The following TTC27 variants were observed in gnomAD, a reference collection of about 807,000 sequenced individuals.
TTC27 encodes tetratricopeptide repeat protein 27.
TTC27 carries 79 observed loss-of-function variants against 115.9 expected under a neutral mutation model. The observed-to-expected ratio is 0.68, with a 90% CI of 0.57 to 0.82. TTC27 has a LOEUF of 0.82. TTC27 is among the 40% of genes least tolerant of loss of function. The pLI is 0.00. For missense variants in TTC27, 1,054 were observed against 993.1 expected (o/e 1.06, Z -0.82); for synonymous variants, 401 against 356.0 (o/e 1.13, Z -1.42).
chr2:32,632,216 G>A (rs1426068179), intron 2 of TTC27, among the ~76,000 whole-genome samples: 2 of 132,812 alleles, frequency 1.5e-5, no homozygotes, highest in African/African-American at 5.8e-5. Context: ...TTGATATGTT[G>A]CTCAGGCTGG....
intron 1 of TTC27, among the ~76,000 whole-genome samples, chr2:32,630,322 G>C (rs536454275): frequency 2.6e-5 from 4 of 152,312 alleles, no homozygotes; most frequent in Admixed American, 2.6e-4. Flanking sequence ...GTCAGTATGA[G>C]TGAGCTGCTA....
At chr2:32,639,015 A>G (rs980621255) in intron 3 of TTC27, among the ~76,000 whole-genome samples, 27 of 151,948 alleles carry the variant, frequency 1.8e-4, no homozygotes, top group Middle Eastern at 3.4e-3. Context: ...TGTAGTTTTA[A>G]TAGAGACAGG....
chr2:32,664,198 C>G, intron 5 of TTC27, 105 bp from the exon 6 acceptor site: 1 of 976,554 alleles, frequency 1.0e-6, no homozygotes, highest in Non-Finnish European at 1.4e-6. Flanking sequence ...TATTTAACAA[C>G]AGAGACTATG....
intron 10 of TTC27, among the ~76,000 whole-genome samples, chr2:32,730,943 A>T (rs1668272887): frequency 6.6e-6 from 1 of 152,004 alleles, no homozygotes. Flanking sequence ...TTTGTATATT[A>T]ATTTAATGTT....
chr2:32,790,307 T>G (rs1037601227), intron 16 of TTC27, among the ~76,000 whole-genome samples: 1 of 152,144 alleles, frequency 6.6e-6, no homozygotes, highest in Non-Finnish European at 1.5e-5. Flanking sequence ...TCATGCTTAT[T>G]TTAATACAGA....
intron 16 of TTC27, among the ~76,000 whole-genome samples, chr2:32,793,632 C>T (rs560928237): frequency 2.0e-5 from 3 of 152,258 alleles, no homozygotes; most frequent in African/African-American, 7.2e-5. Context: ...AAGTGATTCT[C>T]CTGCCTCAGC....
chr2:32,634,681 G>A (rs185747963), intron 3 of TTC27, among the ~76,000 whole-genome samples: 5 of 151,814 alleles, frequency 3.3e-5, no homozygotes, highest in African/African-American at 1.2e-4. Flanking sequence ...TTTTGAGACA[G>A]AGTCTTGCTC....
intron 12 of TTC27, among the ~76,000 whole-genome samples, chr2:32,754,817 G>GC (rs1491403053): frequency 1.4e-5 from 1 of 74,004 alleles, no homozygotes; most frequent in African/African-American, 3.8e-5. Flanking sequence ...CTGGCTGGGC[G>GC]GGGGGGCTGA....
intron 9 of TTC27, among the ~76,000 whole-genome samples, chr2:32,701,765 C>T (rs34666266): frequency 0.11 from 17,444 of 152,004 alleles, 1,353 homozygotes; most frequent in African/African-American, 0.22. Context: ...AAGTTGGCTA[C>T]GCTTGAGAAT....
rs1572632019 is a variant in TTC27, at chr2:32,807,741, T to C, written c.1999-3283T>C. ...ATGATCTCTCCTGCCTTCCTTGTTC[T>C]GGCTTTGGTTCTGGATTATGGTCAC... On this transcript the variant is annotated intron_variant, in intron 16 of 19. Transcript: ENST00000317907. Among the ~76,000 whole-genome samples the C allele has an allele frequency of 3.9e-5, 6 of 152,308 alleles. No homozygotes were observed. In the South Asian group the frequency reaches 1.2e-3, roughly 32 times the overall value.
At position 32,639,017 on chromosome 2, in the gene TTC27, A is replaced by G. The variant is rs530505811; in HGVS notation, c.397-1253A>G. Among the ~76,000 whole-genome samples, 8 of 152,168 alleles carry G rather than the reference A, an allele frequency of 5.3e-5. No individual in the cohort carries two copies. The East Asian group carries it at 1.5e-3, about 29-fold the overall frequency. On this transcript the variant is annotated intron_variant, in intron 3 of 19. Coordinates refer to ENST00000317907, the MANE Select transcript of TTC27 (RefSeq NM_017735.5). The stretch of plus-strand genomic sequence containing the variant: ...CCGGCTAATTTTTTGTAGTTTTAAT[A>G]GAGACAGGGTTTCACCGTGTTAGCC...
intron 12 of TTC27, among the ~76,000 whole-genome samples, chr2:32,741,495 A>G (rs1249264760): frequency 1.3e-5 from 2 of 151,976 alleles, no homozygotes; most frequent in Non-Finnish European, 2.9e-5. Flanking sequence ...TACAAAAAAA[A>G]AAAAAAATTA....
chr2:32,728,013 C>G (rs1217523934), intron 10 of TTC27, among the ~76,000 whole-genome samples: 1 of 147,482 alleles, frequency 6.8e-6, no homozygotes, highest in Non-Finnish European at 1.5e-5. Context: ...TGATAGCCAT[C>G]TGGGCCTCCT....
intron 13 of TTC27, among the ~76,000 whole-genome samples, chr2:32,771,966 CAT>C (rs1669845277): frequency 6.6e-6 from 1 of 152,062 alleles, no homozygotes; most frequent in Admixed American, 6.6e-5. Context: ...AACAGTTGAT[CAT>C]ATGAGGGAAA....
intron 18 of TTC27, among the ~76,000 whole-genome samples, chr2:32,815,395 G>A (rs1005988554): frequency 2.6e-5 from 4 of 151,392 alleles, no homozygotes; most frequent in South Asian, 2.1e-4. Flanking sequence ...CCACCACCAC[G>A]CCCGGCTAAT....
intron 10 of TTC27, among the ~76,000 whole-genome samples, chr2:32,723,664 A>G (rs1572549697): frequency 6.7e-6 from 1 of 149,722 alleles, no homozygotes; most frequent in African/African-American, 2.5e-5. Flanking sequence ...TCATGAAAGT[A>G]GTAGCTAATT....
Position 32,736,690 on chromosome 2 carries a change from C to A in TTC27, c.1330-4C>A, listed in dbSNP as rs750698261. ...TATTAATTATTTTTACTTGATTTTT[C>A]TAGCGCCAACTTGCAAGTTTGCTCT... On this transcript the variant is annotated splice_region_variant and splice_polypyrimidine_tract_variant and intron_variant, in intron 11 of 19. Coordinates refer to ENST00000317907, the MANE Select transcript of TTC27 (RefSeq NM_017735.5). 8 of 1,613,576 alleles carry A rather than the reference C, an allele frequency of 5.0e-6. No homozygotes were observed. The South Asian group carries it at 6.6e-5, about 13-fold the overall frequency.
chr2:32,736,881 T>G, intron 12 of TTC27, 65 bp downstream of exon 12: 1 of 1,549,282 alleles, frequency 6.5e-7, no homozygotes, highest in Non-Finnish European at 8.7e-7. Context: ...TTCTCACTTG[T>G]TTTGTTTTTC....
intron 14 of TTC27, among the ~76,000 whole-genome samples, chr2:32,778,269 A>G (rs1347097851): frequency 6.6e-6 from 1 of 152,196 alleles, no homozygotes; most frequent in Non-Finnish European, 1.5e-5. Flanking sequence ...TGTCCTGCCT[A>G]TGTTAATTGC....
Sources: gnomAD v4.1 joint callset for allele counts (sites outside exome capture counted in the v4.1 genomes callset) on GRCh38, gnomAD v4.1.1 for gene constraint, MANE v1.5 for transcripts, NCBI Gene and HGNC (gene_info 2026-07-23, HGNC 2026-07-21) for gene names.